The following LRRC28 variants were observed in gnomAD, a reference collection of about 807,000 sequenced individuals.
LRRC28 encodes the protein leucine rich repeat containing 28.
In LRRC28, 39 loss-of-function variants were observed where a neutral mutation model predicts 45.7. The observed-to-expected ratio is 0.85, with a 90% confidence interval of 0.66 to 1.12. The LOEUF (loss-of-function observed/expected upper bound fraction) is 1.12, where lower values mean the gene tolerates loss of function less well. Ranked by LOEUF, LRRC28 falls within the 50% of genes most tolerant of loss-of-function variation. The pLI is 0.00. For missense variants in LRRC28, 435 were observed against 438.5 expected (o/e 0.99, Z 0.07); for synonymous variants, 206 against 178.8 (o/e 1.15, Z -1.22).
intron 3 of LRRC28, chr15:99,286,935 A>G (rs2081973598): frequency 1.0e-5 from 2 of 196,344 alleles, no homozygotes; most frequent in Non-Finnish European, 2.1e-5. Flanking sequence ...TAAAGCCTGA[A>G]TAAAATGAAC....
In LRRC28 at chr15:99,385,934, C is replaced by T; in HGVS notation, c.1032-96C>T. 5 of 1,054,544 alleles carry T rather than the reference C, an allele frequency of 4.7e-6. No homozygotes were observed. In the East Asian group the frequency reaches 9.5e-5, roughly 20 times the overall value. The allele number at this position is 1,054,544 out of a possible 1,614,324, so 65.3% of individuals were successfully genotyped here. A position where few individuals can be genotyped will look rare whatever the true frequency, so the allele number is the denominator to read the frequency against. ...ATGCAGTTTGTTGACCATGGCTAAT[C>T]CTCCATTTTAACAAAGAAAAAAGTT... On this transcript the variant is annotated intron_variant, in intron 9 of 9. Transcript: ENST00000301981.
At position 99,289,983 on chromosome 15, in the gene LRRC28, C is replaced by T. The variant is rs530780069; in HGVS notation, c.385+2032C>T. On this transcript the variant is annotated intron_variant, in intron 5 of 9. Transcript: ENST00000301981. The stretch of plus-strand genomic sequence containing the variant: ...AAAAAATGGCACCAGTCAGGCTGGG[C>T]GCAGTGGATCACACCTGTAATCCCA... Among the ~76,000 whole-genome samples the T allele has an allele frequency of 4.9e-5, 7 of 143,470 alleles. No individual in the cohort carries two copies. In the South Asian group the frequency reaches 1.3e-3, roughly 27 times the overall value. The allele number at this position is 143,470 out of a possible 152,430, so 94.1% of individuals were successfully genotyped here. A position where few individuals can be genotyped will look rare whatever the true frequency, so the allele number is the denominator to read the frequency against.
chr15:99,329,663 T>C lies in LRRC28; in HGVS notation c.386-4260T>C, dbSNP rs548136489. ...AATGAAGAGATGTCCATTTTGTACA[T>C]CTGCATATGTGAAAGATAAAATTTC... On this transcript the variant is annotated intron_variant, in intron 5 of 9. Coordinates refer to ENST00000301981, the MANE Select transcript of LRRC28 (RefSeq NM_144598.5). Among the ~76,000 whole-genome samples the C allele has an allele frequency of 1.6e-3, 246 of 152,362 alleles. 1 individual carries two copies. The highest frequency in any genetic ancestry group is 5.7e-3 in the African/African-American group (238 of 41,568).
chr15:99,285,378 C>A, intron 3 of LRRC28: 4 of 743,344 alleles, frequency 5.4e-6, no homozygotes, highest in Non-Finnish European at 7.4e-6. Context: ...GCTGCATCCA[C>A]CTCCTCCGCA....
In LRRC28 at chr15:99,389,697, C is replaced by T. The variant is rs1269342427; in HGVS notation, c.*3595C>T. 1 of 152,108 alleles carries T rather than the reference C, an allele frequency of 6.6e-6. No individual in the cohort carries two copies. Among genetic ancestry groups the T allele is most frequent in the Non-Finnish European group, 1.5e-5 (1 of 68,016 alleles). The allele number at this position is 152,108 out of a possible 1,614,324, so 9.4% of individuals were successfully genotyped here. ...ATTATGCCTTCATTTTTGTGGTTTT[C>T]ATTCACTCCTGCTTGCTTCTATTGA... On this transcript the variant is annotated 3_prime_UTR_variant, in exon 10 of 10. Coordinates refer to ENST00000301981, the MANE Select transcript of LRRC28 (RefSeq NM_144598.5).
intron 9 of LRRC28, among the ~76,000 whole-genome samples, chr15:99,377,605 G>T (rs1320631226): frequency 1.3e-5 from 2 of 152,142 alleles, no homozygotes; most frequent in Admixed American, 1.3e-4. Flanking sequence ...TTTTAGACAT[G>T]AAGTCCTTGC....
At chr15:99,269,392 T>C (rs112337439) in intron 2 of LRRC28, among the ~76,000 whole-genome samples, 1 of 152,198 alleles carries the variant, frequency 6.6e-6, no homozygotes. Context: ...CTGCACACTT[T>C]ACCAGCCACA....
intron 9 of LRRC28, among the ~76,000 whole-genome samples, chr15:99,384,982 G>T (rs181759182): frequency 1.6e-3 from 245 of 152,314 alleles, no homozygotes; most frequent in African/African-American, 5.8e-3. Flanking sequence ...GCACCCAGAA[G>T]GATACTGAGG....
chr15:99,369,433 G>A (rs540807632), intron 9 of LRRC28, among the ~76,000 whole-genome samples: 101 of 152,240 alleles, frequency 6.6e-4, no homozygotes, highest in African/African-American at 1.9e-3. Flanking sequence ...AAAGGCTGGC[G>A]CGTTCAGAAC....
intron 3 of LRRC28, chr15:99,284,573 A>C (rs2081905276): frequency 1.1e-5 from 5 of 466,012 alleles, no homozygotes; most frequent in South Asian, 6.1e-5. Context: ...CTTCCCTGTC[A>C]CTTCTCTTGC....
At chr15:99,287,128 C>A (rs1320618225) in intron 3 of LRRC28, 129 bp from the exon 4 acceptor site, 1 of 634,374 alleles carries the variant, frequency 1.6e-6, no homozygotes, top group Non-Finnish European at 2.7e-6. Flanking sequence ...TATGTTGATG[C>A]ATTAGAGTAG....
intron 5 of LRRC28, among the ~76,000 whole-genome samples, chr15:99,318,886 C>A (rs763287078): frequency 6.6e-6 from 1 of 151,754 alleles, no homozygotes; most frequent in Admixed American, 6.6e-5. Flanking sequence ...GGTCATCAAC[C>A]GCTTTCTATT....
chr15:99,267,658 T>C (rs1486232041), intron 2 of LRRC28, among the ~76,000 whole-genome samples: 2 of 152,236 alleles, frequency 1.3e-5, no homozygotes, highest in Non-Finnish European at 2.9e-5. Context: ...TTAGTGTTTG[T>C]AAGTAAATGT....
At chr15:99,295,258 A>T (rs1471682265) in intron 5 of LRRC28, among the ~76,000 whole-genome samples, 1 of 152,112 alleles carries the variant, frequency 6.6e-6, no homozygotes, top group African/African-American at 2.4e-5. Context: ...AGCATGTACC[A>T]CTTAAACATT....
rs115397403 is a variant in LRRC28 at position 99,294,310 on chromosome 15, T to C, written c.385+6359T>C. ...CGCACATTAGATAATTTGGTATTCTTCTACAGGTCAGTGAACTTTGTTCTT... is the reference window on the plus strand; with the variant it reads ...CGCACATTAGATAATTTGGTATTCTCCTACAGGTCAGTGAACTTTGTTCTT... On this transcript the variant is annotated intron_variant, in intron 5 of 9. Transcript: ENST00000301981. Among the ~76,000 whole-genome samples, 115 of 152,320 alleles carry C rather than the reference T, an allele frequency of 7.5e-4. 1 individual carries two copies. Among genetic ancestry groups the C allele is most frequent in the African/African-American group, 2.6e-3 (109 of 41,566 alleles).
chr15:99,302,530 AG>A (rs1434719913), intron 5 of LRRC28, among the ~76,000 whole-genome samples: 1 of 152,208 alleles, frequency 6.6e-6, no homozygotes, highest in Non-Finnish European at 1.5e-5. Context: ...CTGGGATTAC[AG>A]GCATGTGCCA....
At chr15:99,348,878 T>A (rs1567685138) in intron 6 of LRRC28, among the ~76,000 whole-genome samples, 1 of 152,058 alleles carries the variant, frequency 6.6e-6, no homozygotes. Context: ...GTTTGGACAT[T>A]TTGACAGTAT....
chr15:99,314,637 A>G (rs1955531422), intron 5 of LRRC28, among the ~76,000 whole-genome samples: 2 of 152,104 alleles, frequency 1.3e-5, no homozygotes. Flanking sequence ...ATATGTTTTT[A>G]TGTTCTTTCA....
intron 2 of LRRC28, among the ~76,000 whole-genome samples, chr15:99,270,904 C>T (rs752608343): frequency 3.9e-5 from 6 of 152,208 alleles, no homozygotes; most frequent in Non-Finnish European, 7.3e-5. Flanking sequence ...TCCAGTTTCT[C>T]CACATTCTTG....
Sources: allele counts gnomAD v4.1 joint callset (sites outside exome capture counted in the v4.1 genomes callset), GRCh38; gene constraint gnomAD v4.1.1; transcripts MANE v1.5; gene names NCBI Gene and HGNC (gene_info 2026-07-23, HGNC 2026-07-21).